The following STARD13 variants were observed in gnomAD, a reference collection of about 807,000 sequenced individuals.
STARD13 encodes stAR-related lipid transfer protein 13.
In STARD13, 62 loss-of-function variants were observed where a neutral mutation model predicts 106.4. That is an observed-to-expected ratio of 0.58 (90% CI 0.48 to 0.72). The LOEUF (loss-of-function observed/expected upper bound fraction) is 0.72, where lower values mean the gene tolerates loss of function less well. Among genes scored for constraint, STARD13 ranks in the 30% least tolerant of loss-of-function variants. The pLI is 0.00. For synonymous variants in STARD13, 565 were observed against 553.0 expected (o/e 1.02, Z -0.31); for missense variants, 1,387 against 1,424.0 (o/e 0.97, Z 0.42).
At chr13:33,409,935 C>T in the STARD13 span, among the ~76,000 whole-genome samples, 1 of 152,198 alleles carries the variant, frequency 6.6e-6, no homozygotes, top group South Asian at 2.1e-4. Context: ...CAGCTTTTCC[C>T]AGCACATTCT....
At chr13:33,650,164 A>ATGTTTTTTTTTTTTTTTT in the STARD13 span, among the ~76,000 whole-genome samples, 2 of 48,358 alleles carry the variant, frequency 4.1e-5, 1 homozygote, top group African/African-American at 1.6e-4. Flanking sequence ...CGTGACTCCA[A>ATGTTTTTTTTTTTTTTTT]TTTTTTTTTT....
chr13:33,511,035 T>A, the STARD13 span, among the ~76,000 whole-genome samples: 1 of 152,080 alleles, frequency 6.6e-6, no homozygotes, highest in Non-Finnish European at 1.5e-5. Context: ...GTTGGCCAGA[T>A]GCAGTGGCTC....
At chr13:33,208,986 C>T (rs75128130) in intron 1 of STARD13, among the ~76,000 whole-genome samples, 2,323 of 152,340 alleles carry the variant, frequency 0.015, 22 homozygotes, top group Non-Finnish European at 0.023. Flanking sequence ...AATACACACA[C>T]AGCTACAAGA....
chr13:33,423,932 TG>T, the STARD13 span, among the ~76,000 whole-genome samples: 1 of 151,978 alleles, frequency 6.6e-6, no homozygotes, highest in South Asian at 2.1e-4. Flanking sequence ...CATCATACAC[TG>T]GGGCCTGTCG....
At chr13:33,253,016 C>T (rs966609029) in intron 1 of STARD13, among the ~76,000 whole-genome samples, 5 of 152,144 alleles carry the variant, frequency 3.3e-5, no homozygotes, top group African/African-American at 4.8e-5. Context: ...ATTTTAGGGA[C>T]ATATAAAAAG....
At chr13:33,460,965 CA>C in the STARD13 span, among the ~76,000 whole-genome samples, 2 of 151,972 alleles carry the variant, frequency 1.3e-5, no homozygotes, top group Admixed American at 1.3e-4. Context: ...ATAATTAGGC[CA>C]AGTGAAATAA....
At chr13:33,602,444 A>G in the STARD13 span, among the ~76,000 whole-genome samples, 1 of 152,224 alleles carries the variant, frequency 6.6e-6, no homozygotes, top group Non-Finnish European at 1.5e-5. Context: ...AGACTGAAAA[A>G]GGTTCAAAAG....
the STARD13 span, among the ~76,000 whole-genome samples, chr13:33,630,261 C>A: frequency 2.0e-5 from 3 of 152,148 alleles, no homozygotes; most frequent in African/African-American, 7.2e-5. Context: ...CCCTCATTAG[C>A]CACTAGGTCC....
At chr13:33,258,289 G>C (rs1294367346) in intron 1 of STARD13, among the ~76,000 whole-genome samples, 1 of 152,162 alleles carries the variant, frequency 6.6e-6, no homozygotes, top group African/African-American at 2.4e-5. Context: ...TGGAGTGAAT[G>C]CTTCCATAAC....
the STARD13 span, among the ~76,000 whole-genome samples, chr13:33,417,513 C>A: frequency 3.3e-5 from 5 of 152,178 alleles, no homozygotes; most frequent in East Asian, 9.6e-4. Flanking sequence ...AAAGTGGGAA[C>A]AACCCAAATG....
intron 8 of STARD13, among the ~76,000 whole-genome samples, chr13:33,114,466 T>G (rs1379606985): frequency 6.6e-6 from 1 of 152,182 alleles, no homozygotes. Context: ...CCATGTCCAT[T>G]GTGTACTGGC....
the STARD13 span, among the ~76,000 whole-genome samples, chr13:33,400,475 T>G: frequency 2.0e-5 from 3 of 151,976 alleles, no homozygotes; most frequent in South Asian, 6.2e-4. Flanking sequence ...ATTTTTTTTT[T>G]TTTTGAGACA....
At chr13:33,555,755 TA>T in the STARD13 span, among the ~76,000 whole-genome samples, 1 of 152,222 alleles carries the variant, frequency 6.6e-6, no homozygotes, top group Non-Finnish European at 1.5e-5. Context: ...TTATTTCACT[TA>T]AAAAATTGAG....
the STARD13 span, chr13:33,439,676 C>T: frequency 8.0e-7 from 1 of 1,254,102 alleles, no homozygotes; most frequent in East Asian, 5.6e-5. Flanking sequence ...AAAACATTTT[C>T]TCAGGGAGAC....
intron 1 of STARD13, among the ~76,000 whole-genome samples, chr13:33,236,776 C>A (rs1319000015): frequency 5.9e-5 from 9 of 152,208 alleles, no homozygotes; most frequent in African/African-American, 2.2e-4. Flanking sequence ...TGCGTTACAA[C>A]CACTCTGGCT....
the STARD13 span, among the ~76,000 whole-genome samples, chr13:33,675,479 T>C: frequency 6.6e-6 from 1 of 152,168 alleles, no homozygotes; most frequent in African/African-American, 2.4e-5. Flanking sequence ...ACTCAATATG[T>C]AGGTAGGAGA....
chr13:33,424,176 C>T, the STARD13 span, among the ~76,000 whole-genome samples: 1 of 151,710 alleles, frequency 6.6e-6, no homozygotes, highest in Non-Finnish European at 1.5e-5. Context: ...AAACAAAAAC[C>T]CCAGACTCAG....
the STARD13 span, among the ~76,000 whole-genome samples, chr13:33,640,959 G>A: frequency 1.3e-5 from 2 of 152,218 alleles, no homozygotes; most frequent in Non-Finnish European, 2.9e-5. Flanking sequence ...TGTATACACA[G>A]GAGCCTTCAG....
At chr13:33,108,760 A>G (rs998908621) in intron 12 of STARD13, among the ~76,000 whole-genome samples, 3 of 152,210 alleles carry the variant, frequency 2.0e-5, no homozygotes, top group African/African-American at 7.2e-5. Flanking sequence ...GGGAGGAGGC[A>G]CGCTATGGCA....
Sources: gnomAD v4.1 joint callset for allele counts (sites outside exome capture counted in the v4.1 genomes callset) on GRCh38, gnomAD v4.1.1 for gene constraint, MANE v1.5 for transcripts, NCBI Gene and HGNC (gene_info 2026-07-23, HGNC 2026-07-21) for gene names.